GTF2IRD1: variants seen among roughly 807,000 people sequenced by gnomAD.
GTF2IRD1 encodes the protein general transcription factor II-I repeat domain-containing protein 1.
A neutral mutation model predicts 113.2 loss-of-function variants in GTF2IRD1; 26 were observed. The observed-to-expected ratio is 0.23, with a 90% CI of 0.17 to 0.32. The LOEUF is 0.32. Ranked by LOEUF, GTF2IRD1 falls within the 10% of genes least tolerant of loss-of-function variation. The pLI, the probability that GTF2IRD1 is intolerant of heterozygous loss-of-function variation, is 1.00. For synonymous variants in GTF2IRD1, 484 were observed against 529.1 expected, an observed-to-expected ratio of 0.91 and a Z score of 1.17; for missense variants, 864 against 1,280.8, an observed-to-expected ratio of 0.67 and a Z score of 4.97.
At chr7:74,565,326 ACCAG>A (rs1257701844) in intron 22 of GTF2IRD1, among the ~76,000 whole-genome samples, 19 of 152,106 alleles carry the variant, frequency 1.2e-4, no homozygotes, top group Non-Finnish European at 2.4e-4. Flanking sequence ...GGAGTTCGAG[ACCAG>A]CCTGGGCAAC....
intron 8 of GTF2IRD1, among the ~76,000 whole-genome samples, chr7:74,525,355 C>T (rs1353160577): frequency 6.6e-6 from 1 of 152,198 alleles, no homozygotes; most frequent in Admixed American, 6.5e-5. Flanking sequence ...CTGCCTGCCG[C>T]TGTCTCCCTG....
chr7:74,492,027 G>A (rs112846605), intron 1 of GTF2IRD1, among the ~76,000 whole-genome samples: 4,309 of 151,988 alleles, frequency 0.028, 91 homozygotes, highest in Non-Finnish European at 0.042. Context: ...GTTTTGAGAC[G>A]GAGTCTTACT....
At chr7:74,560,533 ATAT>A (rs587694060) in intron 22 of GTF2IRD1, among the ~76,000 whole-genome samples, 27 of 147,250 alleles carry the variant, frequency 1.8e-4, no homozygotes, top group Middle Eastern at 3.6e-3. Flanking sequence ...TATAATTAAA[ATAT>A]TATATATAAT....
chr7:74,565,593 C>T (rs587727052), intron 22 of GTF2IRD1, among the ~76,000 whole-genome samples: 18 of 152,026 alleles, frequency 1.2e-4, no homozygotes, highest in Non-Finnish European at 2.2e-4. Flanking sequence ...TGGGAAGAAG[C>T]GGTGGTGACT....
chr7:74,507,989 G>A lies in GTF2IRD1; in HGVS notation c.-6-86G>A, dbSNP rs188616964. On this transcript the variant is annotated intron_variant, in intron 1 of 26. Transcript: ENST00000424337. Reference sequence around the variant, plus strand: ...ACAGAGGCGGTCTTGGGAGTCCGGGGGTCAGGTGGATTGGGGTGGGCAGCC... The same window carrying A: ...ACAGAGGCGGTCTTGGGAGTCCGGGAGTCAGGTGGATTGGGGTGGGCAGCC... 4.4e-4 allele frequency: 642 copies of A among 1,451,490 alleles called. 3 individuals are homozygous for A. In the African/African-American group the frequency reaches 5.3e-3, roughly 12 times the overall value. The allele number at this position is 1,451,490 out of a possible 1,614,324, so 89.9% of individuals were successfully genotyped here.
intron 1 of GTF2IRD1, among the ~76,000 whole-genome samples, chr7:74,491,857 C>T (rs1215121469): frequency 1.3e-5 from 2 of 152,046 alleles, no homozygotes; most frequent in African/African-American, 2.4e-5. Flanking sequence ...AAGGGATTGC[C>T]GGGTCCAATG....
At chr7:74,561,346 C>CA (rs11452589) in intron 22 of GTF2IRD1, among the ~76,000 whole-genome samples, 17,084 of 77,434 alleles carry the variant, frequency 0.22, 1,465 homozygotes, top group Middle Eastern at 0.35. Flanking sequence ...TAGATTGTCT[C>CA]AAAAAAAAAA....
intron 1 of GTF2IRD1, among the ~76,000 whole-genome samples, chr7:74,460,904 TC>T (rs1793319913): frequency 6.6e-6 from 1 of 152,040 alleles, no homozygotes; most frequent in Admixed American, 6.5e-5. Context: ...TGCTGGGAAT[TC>T]CTGCACCTTT....
At chr7:74,545,655 A>C (rs1480842181) in intron 15 of GTF2IRD1, 89 bp from the exon 16 acceptor site, 49 of 896,390 alleles carry the variant, frequency 5.5e-5, no homozygotes, top group Non-Finnish European at 8.3e-5. Context: ...AGATCCCACC[A>C]CAGGGCCAAT....
rs587691259 is a variant in GTF2IRD1, at chr7:74,557,805, C to T, written c.2107+83C>T. Reference sequence around the variant, plus strand: ...GAGGCTTCCCAGTTCCAGCCGAGGGCATTTCTGGGGAAACAATTCACCCCT... The same window carrying T: ...GAGGCTTCCCAGTTCCAGCCGAGGGTATTTCTGGGGAAACAATTCACCCCT... On this transcript the variant is annotated intron_variant, in intron 20 of 26. Coordinates refer to ENST00000424337, the MANE Select transcript of GTF2IRD1 (RefSeq NM_005685.4). 4 of 820,230 alleles carry T rather than the reference C, an allele frequency of 4.9e-6. No homozygotes were observed. The African/African-American group carries it at 6.9e-5, about 14-fold the overall frequency. 50.8% of individuals were successfully genotyped at this position (820,230 alleles called of 1,614,324 possible).
chr7:74,496,551 GT>G (rs1418024284), intron 1 of GTF2IRD1, among the ~76,000 whole-genome samples: 1 of 124,550 alleles, frequency 8.0e-6, no homozygotes, highest in African/African-American at 3.3e-5. Flanking sequence ...GGGTGTGTGC[GT>G]TTGGGGGGTG....
chr7:74,563,595 A>G (rs587731858), intron 22 of GTF2IRD1, among the ~76,000 whole-genome samples: 2 of 150,968 alleles, frequency 1.3e-5, no homozygotes, highest in South Asian at 4.2e-4. Context: ...AAAAAAAAGA[A>G]TGGCTCTAAA....
At chr7:74,537,000 A>G (rs1798334154) in intron 11 of GTF2IRD1, among the ~76,000 whole-genome samples, 1 of 152,092 alleles carries the variant, frequency 6.6e-6, no homozygotes, top group South Asian at 2.1e-4. Context: ...GGTCCCAGCT[A>G]CTTGGGAGGC....
chr7:74,519,757 G>A, intron 6 of GTF2IRD1, 38 bp downstream of exon 6: 1 of 1,440,144 alleles, frequency 6.9e-7, no homozygotes, highest in Non-Finnish European at 9.5e-7. Context: ...CTAGGGGGTG[G>A]GACAGAGGTC....
chr7:74,572,085 C>T (rs1339728519), intron 22 of GTF2IRD1, among the ~76,000 whole-genome samples: 1 of 152,120 alleles, frequency 6.6e-6, no homozygotes, highest in Non-Finnish European at 1.5e-5. Flanking sequence ...TCCTGCTAAG[C>T]CTCTCTCTTC....
intron 25 of GTF2IRD1, among the ~76,000 whole-genome samples, chr7:74,598,965 C>G (rs1475180259): frequency 6.6e-6 from 1 of 152,160 alleles, no homozygotes; most frequent in Non-Finnish European, 1.5e-5. Context: ...ACATTTGCCC[C>G]ATGGACCCAG....
intron 1 of GTF2IRD1, among the ~76,000 whole-genome samples, chr7:74,465,003 G>A (rs1441082858): frequency 1.9e-4 from 29 of 152,168 alleles, no homozygotes; most frequent in Admixed American, 1.8e-3. Flanking sequence ...AAGACCCACC[G>A]CCCACCCACC....
chr7:74,545,738 T>A lies in GTF2IRD1; in HGVS notation c.1667-6T>A, dbSNP rs1280787910. The A allele has an allele frequency of 6.2e-7, 1 of 1,611,548 alleles. No homozygotes were observed. The highest frequency in any genetic ancestry group is 8.5e-7 in the Non-Finnish European group (1 of 1,179,234). On this transcript the variant is annotated splice_region_variant and splice_polypyrimidine_tract_variant and intron_variant, in intron 15 of 26. Transcript: ENST00000424337. ...CAGCCTCAACAGACTGCCTTTTGCC[T>A]TCCAGACAGCCACGGTGACGTGATC...
chr7:74,526,994 G>C (rs1383332668), intron 8 of GTF2IRD1, among the ~76,000 whole-genome samples: 1 of 152,190 alleles, frequency 6.6e-6, no homozygotes, highest in Non-Finnish European at 1.5e-5. Context: ...GGGAGGTCCA[G>C]CTCTGGGCTG....
Sources: allele counts gnomAD v4.1 joint callset (sites outside exome capture counted in the v4.1 genomes callset), GRCh38; gene constraint gnomAD v4.1.1; transcripts MANE v1.5; gene names NCBI Gene and HGNC (gene_info 2026-07-23, HGNC 2026-07-21).